PTPRA: variants seen among roughly 807,000 people sequenced by gnomAD.
PTPRA encodes the protein protein tyrosine phosphatase receptor type A.
A neutral mutation model predicts 104.8 loss-of-function variants in PTPRA; 25 were observed. The ratio of observed to expected loss-of-function variants is 0.24; its 90% CI spans 0.17 to 0.33. PTPRA has a LOEUF of 0.33. Among genes scored for constraint, PTPRA ranks in the 10% least tolerant of loss-of-function variants. The pLI is 1.00. For synonymous variants in PTPRA, 323 were observed against 368.9 expected, an observed-to-expected ratio of 0.88 and a Z score of 1.43; for missense variants, 765 against 1,015.3, an observed-to-expected ratio of 0.75 and a Z score of 3.35.
At chr20:2,875,193 A>C (rs949947941) in intron 1 of PTPRA, among the ~76,000 whole-genome samples, 1 of 152,072 alleles carries the variant, frequency 6.6e-6, no homozygotes, top group South Asian at 2.1e-4. Context: ...CTTGGAGTAC[A>C]TGCCCAGGAC....
chr20:2,931,718 T>TTGTGTG (rs11469421), intron 2 of PTPRA, among the ~76,000 whole-genome samples: 3 of 149,832 alleles, frequency 2.0e-5, no homozygotes, highest in African/African-American at 7.3e-5. Flanking sequence ...GGGTCTTGGC[T>TTGTGTG]TGTGTGTGTG....
chr20:2,974,535 T>G (rs2062342250), intron 5 of PTPRA, among the ~76,000 whole-genome samples: 2 of 152,046 alleles, frequency 1.3e-5, no homozygotes, highest in South Asian at 4.2e-4. Flanking sequence ...CAAGTGATTC[T>G]CGTGCCTCAG....
chr20:2,900,350 A>G (rs1425456247), intron 1 of PTPRA, among the ~76,000 whole-genome samples: 1 of 151,974 alleles, frequency 6.6e-6, no homozygotes, highest in Non-Finnish European at 1.5e-5. Context: ...GTTGGTGACA[A>G]TCTCCTGACT....
At chr20:2,887,759 T>C (rs2090462983) in intron 1 of PTPRA, among the ~76,000 whole-genome samples, 1 of 152,242 alleles carries the variant, frequency 6.6e-6, no homozygotes, top group African/African-American at 2.4e-5. Context: ...CCTTTGATAA[T>C]GTTAGCAGCA....
Position 3,007,195 on chromosome 20 carries a change from T to C in PTPRA, c.830-149T>C, listed in dbSNP as rs574137882. 1.2e-4 allele frequency: 83 copies of C among 670,794 alleles called. 3 individuals are homozygous for C. In the South Asian group the frequency reaches 1.7e-3, roughly 14 times the overall value. 41.6% of individuals were successfully genotyped at this position (670,794 alleles called of 1,614,324 possible). ...AGGTATTCCCAATTTTTTGCTGTTATACTGTTGGAGTTATATTGTTGGAGT... is the reference window on the plus strand; with the variant it reads ...AGGTATTCCCAATTTTTTGCTGTTACACTGTTGGAGTTATATTGTTGGAGT... On this transcript the variant is annotated intron_variant, in intron 10 of 23. Coordinates refer to ENST00000399903, the MANE Select transcript of PTPRA (RefSeq NM_001385305.1).
chr20:2,864,979 G>A, the PTPRA span: 157 of 1,614,122 alleles, frequency 9.7e-5, no homozygotes, highest in Middle Eastern at 3.3e-4. The surrounding 1 kb of genome is among the most constrained non-coding windows in gnomAD (Gnocchi z 5.2). Flanking sequence ...TCTTTATAGC[G>A]TATTGAGGGG....
chr20:3,032,751 T>C (rs2065558675), intron 20 of PTPRA, among the ~76,000 whole-genome samples: 1 of 147,320 alleles, frequency 6.8e-6, no homozygotes, highest in Admixed American at 6.8e-5. Context: ...GGTGGCAGAG[T>C]GAGACTCCAT....
At chr20:3,008,751 A>C (rs549285298) in intron 11 of PTPRA, among the ~76,000 whole-genome samples, 46 of 134,748 alleles carry the variant, frequency 3.4e-4, no homozygotes, top group East Asian at 7.8e-4. Context: ...AAAACAAAAA[A>C]AAAAAAAACA....
chr20:2,864,666 ATGGGGCGTG>A, the PTPRA span: 5,716 of 1,613,248 alleles, frequency 3.5e-3, 22 homozygotes, highest in Non-Finnish European at 3.7e-3. The surrounding 1 kb of genome is among the most constrained non-coding windows in gnomAD (Gnocchi z 5.2). Context: ...TCTGAGATCC[ATGGGGCGTG>A]TGGGGCGTGT....
At chr20:2,972,744 T>A (rs953658133) in intron 5 of PTPRA, among the ~76,000 whole-genome samples, 5 of 152,230 alleles carry the variant, frequency 3.3e-5, no homozygotes, top group African/African-American at 7.2e-5. Flanking sequence ...TAAGACAGGC[T>A]TTTTCACTGT....
intron 9 of PTPRA, 95 bp from the exon 10 acceptor site, chr20:3,004,961 T>C (rs951441698): frequency 1.3e-5 from 15 of 1,113,764 alleles, no homozygotes; most frequent in Non-Finnish European, 2.0e-5. Flanking sequence ...CAGGAAAAGG[T>C]AGAACATGCT....
At chr20:2,881,260 G>A (rs1047379412) in intron 1 of PTPRA, among the ~76,000 whole-genome samples, 4 of 151,308 alleles carry the variant, frequency 2.6e-5, no homozygotes, top group East Asian at 1.9e-4. Context: ...GCAGTGAGCC[G>A]AGATCTCGCC....
At chr20:2,910,389 T>A (rs2059651169) in intron 1 of PTPRA, among the ~76,000 whole-genome samples, 1 of 79,864 alleles carries the variant, frequency 1.3e-5, no homozygotes, top group Admixed American at 1.5e-4. Flanking sequence ...TATTATATAT[T>A]TTATATATAA....
intron 11 of PTPRA, among the ~76,000 whole-genome samples, chr20:3,014,059 C>T (rs2064314282): frequency 6.6e-6 from 1 of 152,192 alleles, no homozygotes; most frequent in Admixed American, 6.5e-5. Context: ...GCAGTGACTC[C>T]TCATGGAGCA....
Position 2,988,034 on chromosome 20 carries a change from T to C in PTPRA, c.530T>C (p.Phe177Ser). 1 of 1,567,714 alleles carries C rather than the reference T, an allele frequency of 6.4e-7. No individual in the cohort carries two copies. Among genetic ancestry groups the C allele is most frequent in the South Asian group, 1.1e-5 (1 of 90,112 alleles). The change falls in exon 8 of 24, where the codon TTT (phenylalanine) becomes TCT (serine). Residue 177 changes from phenylalanine (F) to serine (S), a missense_variant and splice_region_variant. Coordinates refer to ENST00000399903, the MANE Select transcript of PTPRA (RefSeq NM_001385305.1). ...FIIIVLYMLR[F>S]KKYKQAGSHS... ...CACTGTGATCATTTTCTCATTAGGTTTAAGAAATACAAGCAAGCTGGGAGC... is the reference window on the plus strand; with the variant it reads ...CACTGTGATCATTTTCTCATTAGGTCTAAGAAATACAAGCAAGCTGGGAGC...
rs533482855 is a variant in PTPRA, at chr20:2,890,144, G to A, written c.-129+16384G>A. Among the ~76,000 whole-genome samples, 13 of 149,636 alleles carry A rather than the reference G, an allele frequency of 8.7e-5. No homozygotes were observed. In the East Asian group the frequency reaches 2.0e-3, roughly 23 times the overall value. ...ATTCCTGGCCTCAAACAGTCCTCCC[G>A]CCTCAGCCTGCCCAAGTGCTGGGAT... On this transcript the variant is annotated intron_variant, in intron 1 of 23. Transcript: ENST00000399903.
chr20:3,004,468 T>C lies in PTPRA; in HGVS notation c.739-588T>C, dbSNP rs374278963. ...TGCTCCAGAACTGCTGCAAATTTAA[T>C]GTCACCTCACCCAAATCTTCTGCTT... On this transcript the variant is annotated intron_variant, in intron 9 of 23. Coordinates refer to ENST00000399903, the MANE Select transcript of PTPRA (RefSeq NM_001385305.1). Among the ~76,000 whole-genome samples the C allele has an allele frequency of 1.4e-3, 219 of 152,344 alleles. 2 individuals carry two copies. Among genetic ancestry groups the C allele is most frequent in the African/African-American group, 5.0e-3 (206 of 41,580 alleles).
the PTPRA span, chr20:2,864,419 T>C: frequency 1.9e-6 from 3 of 1,614,164 alleles, no homozygotes; most frequent in Non-Finnish European, 2.5e-6. The surrounding 1 kb of genome is among the most constrained non-coding windows in gnomAD (Gnocchi z 5.2). Context: ...GATTTTTTCA[T>C]GACCCTTCGG....
At chr20:2,969,928 C>T (rs1177774146) in intron 5 of PTPRA, among the ~76,000 whole-genome samples, 2 of 151,810 alleles carry the variant, frequency 1.3e-5, no homozygotes, top group Non-Finnish European at 2.9e-5. Context: ...CGAGATTGCG[C>T]CACTACACTC....
Sources: allele counts gnomAD v4.1 joint callset (sites outside exome capture counted in the v4.1 genomes callset), GRCh38; gene constraint gnomAD v4.1.1; non-coding constraint Gnocchi (gnomAD v3.1); transcripts MANE v1.5; gene names NCBI Gene and HGNC (gene_info 2026-07-23, HGNC 2026-07-21).